The following KALRN variants were observed in gnomAD, a reference collection of about 807,000 sequenced individuals.
KALRN encodes the protein kalirin.
A neutral mutation model predicts 353.7 loss-of-function variants in KALRN; 70 were observed. The observed-to-expected ratio is 0.20, with a 90% CI of 0.16 to 0.24. KALRN has a LOEUF of 0.24. KALRN is among the 10% of genes least tolerant of loss of function. The pLI is 1.00. For missense variants in KALRN, 2,791 were observed against 3,756.7 expected, an observed-to-expected ratio of 0.74 and a Z score of 6.72; for synonymous variants, 1,391 against 1,434.8, an observed-to-expected ratio of 0.97 and a Z score of 0.69.
Position 124,271,268 on chromosome 3 carries a change from T to C in KALRN, c.969+2013T>C, listed in dbSNP as rs2074137747. Reference sequence around the variant, plus strand: ...AGGGACAGAAAGGGAGGTGGGAGACTTAGGTCTGCCTAGGTATGTTTTAGA... The same window carrying C: ...AGGGACAGAAAGGGAGGTGGGAGACCTAGGTCTGCCTAGGTATGTTTTAGA... On this transcript the variant is annotated intron_variant, in intron 5 of 59. Transcript: ENST00000682506. 2.6e-5 allele frequency among the ~76,000 whole-genome samples: 4 copies of C among 152,328 alleles called. No homozygotes were observed. In the South Asian group the frequency reaches 8.3e-4, roughly 32 times the overall value.
At chr3:124,683,437 C>T (rs530099603) in intron 51 of KALRN, among the ~76,000 whole-genome samples, 1 of 152,256 alleles carries the variant, frequency 6.6e-6, no homozygotes, top group Admixed American at 6.5e-5. Flanking sequence ...TTGTACCTGC[C>T]CCCTAGCCCC....
chr3:124,148,301 A>G (rs1267534278), intron 1 of KALRN, among the ~76,000 whole-genome samples: 1 of 152,212 alleles, frequency 6.6e-6, no homozygotes, highest in Non-Finnish European at 1.5e-5. Context: ...ATGGACAGAA[A>G]TAGGATAACT....
intron 10 of KALRN, among the ~76,000 whole-genome samples, chr3:124,357,063 A>G (rs553882490): frequency 3.9e-5 from 6 of 152,164 alleles, no homozygotes; most frequent in African/African-American, 9.7e-5. Context: ...TGCATTCGTT[A>G]TACCAGTGAA....
At chr3:124,290,791 TAGTG>T (rs1388676599) in intron 5 of KALRN, among the ~76,000 whole-genome samples, 11 of 152,194 alleles carry the variant, frequency 7.2e-5, no homozygotes, top group Admixed American at 7.2e-4. Context: ...ACCTGTCACA[TAGTG>T]AGCATTTAAC....
At chr3:124,351,123 C>G (rs866023344) in intron 10 of KALRN, among the ~76,000 whole-genome samples, 1 of 152,074 alleles carries the variant, frequency 6.6e-6, no homozygotes, top group Non-Finnish European at 1.5e-5. Context: ...AAGGGGTAAA[C>G]TAGGAAGGAA....
chr3:124,127,463 C>G lies in KALRN; in HGVS notation c.73+93650C>G, dbSNP rs192443001. On this transcript the variant is annotated intron_variant, in intron 1 of 59. Transcript: ENST00000682506. ...ACTAATTTACCATTCTCTGTTACCC[C>G]CTTCTCAATCTGACCCCAAACTTCC... 7.7e-4 allele frequency among the ~76,000 whole-genome samples: 118 copies of G among 152,290 alleles called. No homozygotes were observed. The South Asian group carries it at 0.014, about 18-fold the overall frequency.
At chr3:124,082,368 A>G in intron 1 of KALRN, 1 of 468,902 alleles carries the variant, frequency 2.1e-6, no homozygotes, top group Non-Finnish European at 4.4e-6. Context: ...TTTTCCTTCA[A>G]TGGGCCTGAG....
At chr3:124,173,990 G>A in intron 1 of KALRN, among the ~76,000 whole-genome samples, 1 of 152,164 alleles carries the variant, frequency 6.6e-6, no homozygotes, top group East Asian at 1.9e-4. Context: ...GATAGACTGG[G>A]ATGAGATTCA....
At chr3:124,584,128 G>C (rs1053353613) in intron 34 of KALRN, among the ~76,000 whole-genome samples, 2 of 152,182 alleles carry the variant, frequency 1.3e-5, no homozygotes, top group African/African-American at 4.8e-5. Flanking sequence ...ACAGCTAGCA[G>C]GTGGCAAAAC....
intron 34 of KALRN, among the ~76,000 whole-genome samples, chr3:124,616,987 T>C (rs2078681132): frequency 6.8e-6 from 1 of 146,994 alleles, no homozygotes; most frequent in Admixed American, 6.8e-5. Context: ...AAAAAAGTTA[T>C]ATTGCTAAGT....
At chr3:124,246,651 G>A (rs1258762010) in intron 3 of KALRN, among the ~76,000 whole-genome samples, 1 of 152,210 alleles carries the variant, frequency 6.6e-6, no homozygotes, top group African/African-American at 2.4e-5. Flanking sequence ...AGCCTGGAAA[G>A]CCTAGATGTG....
intron 1 of KALRN, among the ~76,000 whole-genome samples, chr3:124,047,661 T>G (rs1020316464): frequency 7.3e-6 from 1 of 137,228 alleles, no homozygotes; most frequent in Non-Finnish European, 1.6e-5. Flanking sequence ...CCTGGCTAAT[T>G]TTTTTTTATT....
intron 1 of KALRN, among the ~76,000 whole-genome samples, chr3:124,215,734 G>A (rs536211032): frequency 2.6e-4 from 40 of 152,306 alleles, no homozygotes; most frequent in African/African-American, 8.7e-4. Context: ...ACTCAGGGCT[G>A]TGACCTTCCC....
At chr3:124,524,862 GA>G (rs1185691075) in intron 33 of KALRN, among the ~76,000 whole-genome samples, 3 of 152,204 alleles carry the variant, frequency 2.0e-5, no homozygotes, top group Admixed American at 1.3e-4. Flanking sequence ...TTAAAGATAA[GA>G]TTGTTAGGTG....
chr3:124,237,868 G>A (rs2079978365), intron 3 of KALRN, among the ~76,000 whole-genome samples: 1 of 152,138 alleles, frequency 6.6e-6, no homozygotes, highest in Non-Finnish European at 1.5e-5. Flanking sequence ...TTGTAGCGTA[G>A]GAGATGAACC....
chr3:124,384,739 T>C, intron 10 of KALRN, 106 bp from the exon 11 acceptor site: 1 of 1,107,022 alleles, frequency 9.0e-7, no homozygotes, highest in Non-Finnish European at 1.3e-6. Flanking sequence ...CAGGGAGCTG[T>C]CAGCTCAGCG....
At chr3:124,262,216 A>C (rs946406372) in intron 3 of KALRN, among the ~76,000 whole-genome samples, 1 of 152,210 alleles carries the variant, frequency 6.6e-6, no homozygotes, top group African/African-American at 2.4e-5. Context: ...CACTAAATGC[A>C]ACAGATTGGA....
intron 57 of KALRN, among the ~76,000 whole-genome samples, chr3:124,707,218 C>T (rs2062665512): frequency 2.6e-5 from 4 of 152,082 alleles, no homozygotes; most frequent in Admixed American, 2.6e-4. Flanking sequence ...TGGTGCACAC[C>T]TGTAGTCCCA....
Position 124,666,503 on chromosome 3 carries a change from G to C in KALRN, c.6400G>C (p.Glu2134Gln), listed in dbSNP as rs267599584. 2 of 1,614,024 alleles carry C rather than the reference G, an allele frequency of 1.2e-6. No individual in the cohort carries two copies. Among genetic ancestry groups the C allele is most frequent in the South Asian group, 1.1e-5 (1 of 91,066 alleles). ...LLQQDTFYVI[E>Q]LDAGMQSRTK... is the part of the protein sequence containing the mutation. ...GCAGCAGGACACATTCTATGTGATC[G>C]AGCTGGATGCAGGCATGCAGTCCCG... Residue 2134 changes from glutamate to glutamine, a missense_variant, in exon 46 of 60, where the codon GAG (glutamate) becomes CAG (glutamine). Physicochemically the swap from Glu to Gln is conservative, Grantham distance 29. Transcript: ENST00000682506.
Sources: gnomAD v4.1 joint callset for allele counts (sites outside exome capture counted in the v4.1 genomes callset) on GRCh38, gnomAD v4.1.1 for gene constraint, MANE v1.5 for transcripts, NCBI Gene and HGNC (gene_info 2026-07-23, HGNC 2026-07-21) for gene names.